KCNH8: variants seen among roughly 807,000 people sequenced by gnomAD.
KCNH8 encodes voltage-gated delayed rectifier potassium channel KCNH8.
A neutral mutation model predicts 103.6 loss-of-function variants in KCNH8; 70 were observed. The observed-to-expected ratio is 0.68, with a 90% CI of 0.56 to 0.82. The LOEUF (loss-of-function observed/expected upper bound fraction) is 0.82, where lower values mean the gene tolerates loss of function less well. Among genes scored for constraint, KCNH8 ranks in the 40% least tolerant of loss-of-function variants. KCNH8 has a pLI of 0.00. For missense variants in KCNH8, 1,217 were observed against 1,329.9 expected, an observed-to-expected ratio of 0.92 and a Z score of 1.32; for synonymous variants, 498 against 489.4, an observed-to-expected ratio of 1.02 and a Z score of -0.23.
At chr3:19,327,224 A>G (rs1006794791) in intron 3 of KCNH8, among the ~76,000 whole-genome samples, 1 of 152,210 alleles carries the variant, frequency 6.6e-6, no homozygotes, top group Non-Finnish European at 1.5e-5. Context: ...AACAACCTCT[A>G]TCTATTGGTA....
rs527938588 is a variant in KCNH8, at chr3:19,487,189, C to T, written c.2041-23174C>T. Among the ~76,000 whole-genome samples, 70 of 152,142 alleles carry T rather than the reference C, an allele frequency of 4.6e-4. 1 individual carries two copies. Among genetic ancestry groups the T allele is most frequent in the Non-Finnish European group, 9.0e-4 (61 of 68,024 alleles). ...TGTACTGAGTAGTCACACCTGACTC[C>T]GGATCTTCCTACTGAAAGGCAAACA... On this transcript the variant is annotated intron_variant, in intron 11 of 15. Coordinates refer to ENST00000328405, the MANE Select transcript of KCNH8 (RefSeq NM_144633.3).
intron 7 of KCNH8, among the ~76,000 whole-genome samples, chr3:19,417,220 ATGTG>A (rs113532154): frequency 1.3e-5 from 2 of 149,002 alleles, no homozygotes; most frequent in Non-Finnish European, 1.5e-5. Flanking sequence ...ATATATGTAT[ATGTG>A]TGTGTATATA....
intron 15 of KCNH8, among the ~76,000 whole-genome samples, chr3:19,524,240 G>T (rs2069023821): frequency 6.6e-6 from 1 of 151,766 alleles, no homozygotes; most frequent in Non-Finnish European, 1.5e-5. Flanking sequence ...GTCTATATAG[G>T]CTTTTTTCTT....
At chr3:19,414,184 T>G (rs2066827494) in intron 7 of KCNH8, among the ~76,000 whole-genome samples, 1 of 152,110 alleles carries the variant, frequency 6.6e-6, no homozygotes, top group African/African-American at 2.4e-5. Context: ...CCCAGTAGCT[T>G]TGTTGTTCGA....
chr3:19,344,041 C>G (rs188549142), intron 4 of KCNH8, among the ~76,000 whole-genome samples: 1 of 150,878 alleles, frequency 6.6e-6, no homozygotes, highest in East Asian at 2.0e-4. Context: ...ATACCTGTGC[C>G]TTAGTGTTAT....
At chr3:19,264,087 G>C (rs756684216) in intron 2 of KCNH8, among the ~76,000 whole-genome samples, 1 of 151,910 alleles carries the variant, frequency 6.6e-6, no homozygotes, top group Non-Finnish European at 1.5e-5. Flanking sequence ...TTATGTTTTG[G>C]CAAAAGATTT....
chr3:19,400,797 A>G (rs2066601392), intron 7 of KCNH8, among the ~76,000 whole-genome samples: 1 of 151,970 alleles, frequency 6.6e-6, no homozygotes, highest in Non-Finnish European at 1.5e-5. Flanking sequence ...CTTAGCATTT[A>G]CAAGCCTTTT....
chr3:19,441,955 T>C (rs1443836609), intron 8 of KCNH8, among the ~76,000 whole-genome samples: 1 of 152,158 alleles, frequency 6.6e-6, no homozygotes, highest in Non-Finnish European at 1.5e-5. Context: ...GGCTTAAACA[T>C]GTGGAAAGAG....
intron 7 of KCNH8, among the ~76,000 whole-genome samples, chr3:19,398,133 T>C (rs2066552092): frequency 6.6e-6 from 1 of 152,002 alleles, no homozygotes; most frequent in Non-Finnish European, 1.5e-5. Flanking sequence ...TTCTTTCTAA[T>C]TATTGTTAAT....
intron 5 of KCNH8, among the ~76,000 whole-genome samples, chr3:19,367,032 G>T (rs2066021108): frequency 6.6e-6 from 1 of 151,868 alleles, no homozygotes; most frequent in South Asian, 2.1e-4. Context: ...TCAGGGTCTT[G>T]ACTCCTTATT....
At chr3:19,308,963 C>G (rs922300774) in intron 3 of KCNH8, among the ~76,000 whole-genome samples, 1 of 151,412 alleles carries the variant, frequency 6.6e-6, no homozygotes, top group East Asian at 1.9e-4. Flanking sequence ...CTAACACACA[C>G]CAATTAGTAA....
At chr3:19,472,845 TAAAC>T (rs1194467405) in intron 11 of KCNH8, among the ~76,000 whole-genome samples, 4 of 152,220 alleles carry the variant, frequency 2.6e-5, no homozygotes, top group South Asian at 2.1e-4. Flanking sequence ...TTTAGTCAAA[TAAAC>T]AAAATACATC....
chr3:19,358,897 G>A (rs2065913608), intron 5 of KCNH8, among the ~76,000 whole-genome samples: 1 of 151,076 alleles, frequency 6.6e-6, no homozygotes, highest in Middle Eastern at 3.2e-3. Context: ...TGGACCCAGT[G>A]ATTTCAAAAC....
chr3:19,345,272 G>A (rs557561020), intron 4 of KCNH8, among the ~76,000 whole-genome samples: 18 of 152,126 alleles, frequency 1.2e-4, no homozygotes, highest in South Asian at 4.1e-4. Context: ...TTTTTCTGGC[G>A]GGGACAGTGG....
chr3:19,213,068 G>A (rs2063785767), intron 1 of KCNH8, among the ~76,000 whole-genome samples: 1 of 152,086 alleles, frequency 6.6e-6, no homozygotes, highest in African/African-American at 2.4e-5. Context: ...TGATGGCTTT[G>A]AGCTTGGAGA....
intron 7 of KCNH8, among the ~76,000 whole-genome samples, chr3:19,406,112 C>T (rs1364436144): frequency 6.6e-6 from 1 of 151,968 alleles, no homozygotes; most frequent in Admixed American, 6.6e-5. Context: ...CAACTAATGC[C>T]TTGGTCTGTT....
At chr3:19,472,939 T>G (rs2067893670) in intron 11 of KCNH8, among the ~76,000 whole-genome samples, 1 of 152,212 alleles carries the variant, frequency 6.6e-6, no homozygotes, top group African/African-American at 2.4e-5. Flanking sequence ...AATGTCAATG[T>G]TATTAAGTAT....
At position 19,451,319 on chromosome 3, in the gene KCNH8, T is replaced by C; in HGVS notation, c.1740T>C (p.Arg580=). The change falls in exon 10 of 16, where the codon CGT becomes CGC. Residue 580 remains arginine (R), a synonymous_variant. Transcript: ENST00000328405. ...GTGCTCCGGGGGAGTATCTGCTGCG[T>C]CAAGGGGATGCTTTGCAGGCCATCT... The part of the protein sequence containing the change: ...SFCAPGEYLL[R]QGDALQAIYF... 3 of 1,613,906 alleles carry C rather than the reference T, an allele frequency of 1.9e-6. No individual in the cohort carries two copies. Among genetic ancestry groups the C allele is most frequent in the Non-Finnish European group, 2.5e-6 (3 of 1,179,876 alleles).
intron 10 of KCNH8, among the ~76,000 whole-genome samples, chr3:19,455,540 G>T (rs1410417027): frequency 1.3e-5 from 2 of 151,966 alleles, no homozygotes; most frequent in Non-Finnish European, 2.9e-5. Context: ...TTAACTAAAG[G>T]TCCTAAATCT....
Sources: gnomAD v4.1 joint callset for allele counts (sites outside exome capture counted in the v4.1 genomes callset) on GRCh38, gnomAD v4.1.1 for gene constraint, MANE v1.5 for transcripts, NCBI Gene and HGNC (gene_info 2026-07-23, HGNC 2026-07-21) for gene names.